The following CTNNBIP1 variants were observed in gnomAD, a reference collection of about 807,000 sequenced individuals.
CTNNBIP1 encodes the protein catenin beta interacting protein 1.
Under a neutral mutation model 11.8 loss-of-function variants are expected in CTNNBIP1, and 7 were observed. That is an observed-to-expected ratio of 0.60 (90% CI 0.34 to 1.12). CTNNBIP1 has a LOEUF of 1.12. CTNNBIP1 is among the 50% of genes most tolerant of loss of function. The pLI is 0.03. For missense variants in CTNNBIP1, 101 were observed against 113.4 expected, an observed-to-expected ratio of 0.89 and a Z score of 0.50; for synonymous variants, 58 against 43.9, an observed-to-expected ratio of 1.32 and a Z score of -1.26.
chr1:9,884,245 A>T (rs1639139381), intron 1 of CTNNBIP1, among the ~76,000 whole-genome samples: 2 of 151,742 alleles, frequency 1.3e-5, no homozygotes, highest in Non-Finnish European at 2.9e-5. Context: ...CTCCAGGCAC[A>T]CTCCCCAGCC....
intron 3 of CTNNBIP1, among the ~76,000 whole-genome samples, chr1:9,876,542 G>T (rs1203383554): frequency 6.6e-6 from 1 of 152,112 alleles, no homozygotes; most frequent in East Asian, 1.9e-4. Context: ...GCTTGGACCT[G>T]GGAGGCGGCA....
chr1:9,909,647 G>C (rs970686969), intron 1 of CTNNBIP1, among the ~76,000 whole-genome samples: 2 of 152,186 alleles, frequency 1.3e-5, no homozygotes, highest in Non-Finnish European at 2.9e-5. Flanking sequence ...AAGGCTCACC[G>C]GGGAGGGGTG....
chr1:9,850,905 T>C lies in CTNNBIP1; in HGVS notation c.188-129A>G. The C allele has an allele frequency of 3.6e-6, 3 of 841,870 alleles. No individual in the cohort carries two copies. The South Asian group carries it at 4.1e-5, about 11-fold the overall frequency. 52.2% of individuals were successfully genotyped at this position (841,870 alleles called of 1,614,324 possible). On this transcript the variant is annotated intron_variant, in intron 5 of 5. Coordinates refer to ENST00000377263, the MANE Select transcript of CTNNBIP1 (RefSeq NM_020248.3). Reference sequence around the variant, plus strand: ...ATCGCGGCACTCTCTGAGGACAAAGTACTTCCGAGGAAGTCTTCCTCCCCT... The same window carrying C: ...ATCGCGGCACTCTCTGAGGACAAAGCACTTCCGAGGAAGTCTTCCTCCCCT...
rs371907315 is a variant in CTNNBIP1 at position 9,860,328 on chromosome 1, T to C, written c.188-9552A>G. Among the ~76,000 whole-genome samples, 108 of 149,638 alleles carry C rather than the reference T, an allele frequency of 7.2e-4. 1 individual carries two copies. Among genetic ancestry groups the C allele is most frequent in the African/African-American group, 2.4e-3 (98 of 40,506 alleles). On this transcript the variant is annotated intron_variant, in intron 5 of 5. Coordinates refer to ENST00000377263, the MANE Select transcript of CTNNBIP1 (RefSeq NM_020248.3). Reference sequence around the variant, plus strand: ...ATTCTAGGCCGGGTGTGGTGGCTCATGCCTGTAATCCCAGCAATTTAAGAT... The same window carrying C: ...ATTCTAGGCCGGGTGTGGTGGCTCACGCCTGTAATCCCAGCAATTTAAGAT...
At chr1:9,887,345 C>T (rs1639207832) in intron 1 of CTNNBIP1, among the ~76,000 whole-genome samples, 1 of 152,212 alleles carries the variant, frequency 6.6e-6, no homozygotes, top group African/African-American at 2.4e-5. Context: ...GGATCCAAGG[C>T]CATGCTTTCC....
In CTNNBIP1 at chr1:9,887,693, T is replaced by A. The variant is rs541633883; in HGVS notation, c.-143-3955A>T. On this transcript the variant is annotated intron_variant, in intron 1 of 5. Coordinates refer to ENST00000377263, the MANE Select transcript of CTNNBIP1 (RefSeq NM_020248.3). Reference sequence around the variant, plus strand: ...ACTCCAACCTGGCAAAAGAGCAAGATTCCGTCTCAAGAAAAAAAAAAGAAA... The same window carrying A: ...ACTCCAACCTGGCAAAAGAGCAAGAATCCGTCTCAAGAAAAAAAAAAGAAA... 4.0e-5 allele frequency among the ~76,000 whole-genome samples: 6 copies of A among 150,852 alleles called. No homozygotes were observed. In the South Asian group the frequency reaches 1.3e-3, roughly 32 times the overall value.
Position 9,872,448 on chromosome 1 carries a change from T to C in CTNNBIP1, c.-24-360A>G, listed in dbSNP as rs914606930. ...TACAAGCCACAGGACACGTGGTGCA[T>C]GAAGCCCCAAATGTCCCAGGTTTTC... On this transcript the variant is annotated intron_variant, in intron 3 of 5. Coordinates refer to ENST00000377263, the MANE Select transcript of CTNNBIP1 (RefSeq NM_020248.3). This position sits in a 1 kb window ranked among gnomAD's most constrained non-coding sequence, Gnocchi z 4.0. Among the ~76,000 whole-genome samples the C allele has an allele frequency of 6.6e-6, 1 of 152,232 alleles. No individual in the cohort carries two copies. Among genetic ancestry groups the C allele is most frequent in the African/African-American group, 2.4e-5 (1 of 41,458 alleles).
intron 1 of CTNNBIP1, among the ~76,000 whole-genome samples, chr1:9,909,209 C>T (rs1301095221): frequency 6.6e-6 from 1 of 152,222 alleles, no homozygotes; most frequent in African/African-American, 2.4e-5. Flanking sequence ...TCAATTTACC[C>T]AGCAGTTGGC....
At chr1:9,854,897 G>A (rs141117475) in intron 5 of CTNNBIP1, among the ~76,000 whole-genome samples, 3 of 152,036 alleles carry the variant, frequency 2.0e-5, no homozygotes, top group Non-Finnish European at 2.9e-5. Context: ...GGCTGGTCTC[G>A]AGCTCCTGAG....
At chr1:9,863,829 A>G (rs1174200710) in intron 5 of CTNNBIP1, among the ~76,000 whole-genome samples, 1 of 152,188 alleles carries the variant, frequency 6.6e-6, no homozygotes, top group African/African-American at 2.4e-5. Context: ...GAGCTGTAAC[A>G]TGGAGATCAT....
chr1:9,858,111 C>T (rs2379109), intron 5 of CTNNBIP1, among the ~76,000 whole-genome samples: 5,424 of 152,236 alleles, frequency 0.036, 368 homozygotes, highest in African/African-American at 0.12. Flanking sequence ...GACTCTACTT[C>T]GCTACTTATA....
chr1:9,909,248 G>C (rs1284739623), intron 1 of CTNNBIP1, among the ~76,000 whole-genome samples: 3 of 152,192 alleles, frequency 2.0e-5, no homozygotes, highest in African/African-American at 7.2e-5. Flanking sequence ...TTCTGTGAGT[G>C]ACAGGAGACA....
chr1:9,889,974 T>A (rs1449625630), intron 1 of CTNNBIP1, among the ~76,000 whole-genome samples: 1 of 152,176 alleles, frequency 6.6e-6, no homozygotes. Flanking sequence ...ATGGGAACCA[T>A]GAAGGAAGTG....
At chr1:9,889,711 C>G (rs1267117542) in intron 1 of CTNNBIP1, among the ~76,000 whole-genome samples, 1 of 152,184 alleles carries the variant, frequency 6.6e-6, no homozygotes, top group African/African-American at 2.4e-5. Context: ...TGAGGACAGA[C>G]CGGGGGTGGT....
chr1:9,871,760 C>T lies in CTNNBIP1; in HGVS notation c.96+209G>A, dbSNP rs987155508. ...CCGCCTGGCCCCAATCCGGCAGTGT[C>T]GGGTGTCCCCAGAACTTGACGTGCT... is the stretch of plus-strand genomic sequence containing the variant. On this transcript the variant is annotated intron_variant, in intron 4 of 5. Transcript: ENST00000377263. The surrounding 1 kb of genome is among the most constrained non-coding windows in gnomAD (Gnocchi z 5.2). Among the ~76,000 whole-genome samples, 14 of 152,140 alleles carry T rather than the reference C, an allele frequency of 9.2e-5. No individual in the cohort carries two copies. Among genetic ancestry groups the T allele is most frequent in the Non-Finnish European group, 1.5e-4 (10 of 68,008 alleles).
chr1:9,869,620 C>T (rs756233684), intron 5 of CTNNBIP1, among the ~76,000 whole-genome samples: 33 of 152,162 alleles, frequency 2.2e-4, no homozygotes, highest in Admixed American at 6.5e-4. Flanking sequence ...CCACCGTACC[C>T]GGCCTGTTGC....
intron 1 of CTNNBIP1, among the ~76,000 whole-genome samples, chr1:9,892,101 T>C (rs1338440686): frequency 1.3e-5 from 2 of 151,736 alleles, no homozygotes; most frequent in African/African-American, 4.8e-5. Context: ...CCACCGAGCC[T>C]GGCTTCTACA....
intron 5 of CTNNBIP1, among the ~76,000 whole-genome samples, chr1:9,852,136 T>TG (rs1638402789): frequency 6.6e-6 from 1 of 151,848 alleles, no homozygotes; most frequent in Non-Finnish European, 1.5e-5. Context: ...GCATGTGAAA[T>TG]GGAGTCAGCA....
intron 5 of CTNNBIP1, among the ~76,000 whole-genome samples, chr1:9,859,401 G>T (rs1638577275): frequency 6.6e-6 from 1 of 152,204 alleles, no homozygotes; most frequent in Admixed American, 6.5e-5. Context: ...GCCGGGGGCG[G>T]GAGAGAGACA....
Sources: gnomAD v4.1 joint callset for allele counts (sites outside exome capture counted in the v4.1 genomes callset) on GRCh38, gnomAD v4.1.1 for gene constraint, Gnocchi (gnomAD v3.1) non-coding constraint, MANE v1.5 for transcripts, NCBI Gene and HGNC (gene_info 2026-07-23, HGNC 2026-07-21) for gene names.